Variants in STAG1 observed in about 807,000 individuals in gnomAD.
STAG1 encodes the protein STAG1 cohesin complex component.
STAG1 carries 26 observed loss-of-function variants against 170.9 expected under a neutral mutation model. The observed-to-expected ratio is 0.15, with a 90% CI of 0.11 to 0.21. STAG1 has a LOEUF of 0.21. Among genes scored for constraint, STAG1 ranks in the 10% least tolerant of loss-of-function variants. The pLI is 1.00. For synonymous variants in STAG1, 514 were observed against 497.7 expected, an observed-to-expected ratio of 1.03 and a Z score of -0.44; for missense variants, 964 against 1,509.5, an observed-to-expected ratio of 0.64 and a Z score of 5.99.
At chr3:136,467,742 T>G (rs1448421145) in intron 12 of STAG1, among the ~76,000 whole-genome samples, 3 of 152,130 alleles carry the variant, frequency 2.0e-5, no homozygotes, top group Non-Finnish European at 2.9e-5. Context: ...ATTCCAAAAT[T>G]GACCACATAG....
In STAG1 at chr3:136,673,828, C is replaced by T. The variant is rs550399070; in HGVS notation, c.-83-42847G>A. Reference sequence around the variant, plus strand: ...AGAAAATATAAAAATACAGGCCAGGCGCAGTAGCTCACACCTGTAATCCCA... The same window carrying T: ...AGAAAATATAAAAATACAGGCCAGGTGCAGTAGCTCACACCTGTAATCCCA... On this transcript the variant is annotated intron_variant, in intron 1 of 33. Transcript: ENST00000383202. Among the ~76,000 whole-genome samples the T allele has an allele frequency of 2.6e-4, 39 of 151,970 alleles. No homozygotes were observed. The South Asian group carries it at 5.0e-3, about 19-fold the overall frequency.
intron 4 of STAG1, among the ~76,000 whole-genome samples, chr3:136,597,417 C>T (rs1201340798): frequency 6.6e-6 from 1 of 152,178 alleles, no homozygotes; most frequent in East Asian, 1.9e-4. Context: ...GTACACAGAT[C>T]TGTACTCCCA....
chr3:136,522,748 T>G (rs1340941219), intron 6 of STAG1, among the ~76,000 whole-genome samples: 1 of 116,052 alleles, frequency 8.6e-6, no homozygotes, highest in Non-Finnish European at 1.7e-5. Context: ...GGTCCCAGCG[T>G]GTGACGTTCC....
At chr3:136,350,834 G>T (rs72987439) in intron 28 of STAG1, among the ~76,000 whole-genome samples, 1,751 of 152,246 alleles carry the variant, frequency 0.012, 21 homozygotes, top group African/African-American at 0.04. Context: ...GATCCTGATG[G>T]AGTGAAAATG....
chr3:136,544,370 G>A (rs1238807000), intron 5 of STAG1, among the ~76,000 whole-genome samples: 1 of 151,960 alleles, frequency 6.6e-6, no homozygotes, highest in East Asian at 1.9e-4. Context: ...CCTCCAACTA[G>A]GTACACAAGT....
intron 15 of STAG1, among the ~76,000 whole-genome samples, chr3:136,436,568 C>T (rs897037054): frequency 5.9e-5 from 9 of 151,756 alleles, no homozygotes; most frequent in Admixed American, 4.6e-4. Context: ...GGTGTGAGCC[C>T]CTGTGCCCAG....
intron 5 of STAG1, among the ~76,000 whole-genome samples, chr3:136,564,811 A>G (rs1156950514): frequency 1.3e-5 from 2 of 151,968 alleles, no homozygotes; most frequent in African/African-American, 2.4e-5. Context: ...AAACCAACCC[A>G]TACACAAAAA....
chr3:136,693,399 A>T (rs1942786225), intron 1 of STAG1, among the ~76,000 whole-genome samples: 1 of 152,184 alleles, frequency 6.6e-6, no homozygotes. Flanking sequence ...AAAAGAAAGG[A>T]CTGGGAAAAA....
At chr3:136,716,414 G>C (rs1943543548) in intron 1 of STAG1, among the ~76,000 whole-genome samples, 1 of 152,134 alleles carries the variant, frequency 6.6e-6, no homozygotes, top group South Asian at 2.1e-4. Flanking sequence ...AGTGAGCCGA[G>C]ATCACGCCAC....
At chr3:136,748,544 T>A (rs1003976335) in intron 1 of STAG1, among the ~76,000 whole-genome samples, 4 of 151,948 alleles carry the variant, frequency 2.6e-5, no homozygotes, top group Non-Finnish European at 5.9e-5. Context: ...TACAGGCAAG[T>A]GCTACCACGC....
At chr3:136,647,919 T>A (rs1414345554) in intron 1 of STAG1, among the ~76,000 whole-genome samples, 1 of 152,250 alleles carries the variant, frequency 6.6e-6, no homozygotes, top group Non-Finnish European at 1.5e-5. Flanking sequence ...TACAAAGTAT[T>A]GTATGATATT....
At chr3:136,727,736 GAC>G (rs1475122050) in intron 1 of STAG1, among the ~76,000 whole-genome samples, 1 of 152,086 alleles carries the variant, frequency 6.6e-6, no homozygotes, top group Non-Finnish European at 1.5e-5. Context: ...ATCACAAAAT[GAC>G]CTGAGAATTA....
intron 1 of STAG1, among the ~76,000 whole-genome samples, chr3:136,672,688 C>T (rs1025001662): frequency 2.0e-5 from 3 of 152,144 alleles, no homozygotes; most frequent in African/African-American, 4.8e-5. Context: ...GTTTTAACCA[C>T]TCCACTCCAC....
chr3:136,386,392 T>C (rs2086874404), intron 22 of STAG1, among the ~76,000 whole-genome samples: 1 of 152,016 alleles, frequency 6.6e-6, no homozygotes, highest in Non-Finnish European at 1.5e-5. Context: ...ATATCAACAA[T>C]GAAGAACCCC....
At chr3:136,601,274 A>G (rs1938663909) in intron 4 of STAG1, among the ~76,000 whole-genome samples, 1 of 152,258 alleles carries the variant, frequency 6.6e-6, no homozygotes, top group Admixed American at 6.5e-5. Context: ...TAAAAATCAG[A>G]AGGTAAATTC....
Position 136,393,439 on chromosome 3 carries a change from G to A in STAG1, c.2277+5310C>T, listed in dbSNP as rs187959451. Among the ~76,000 whole-genome samples, 1,069 of 152,148 alleles carry A rather than the reference G, an allele frequency of 7.0e-3. 13 individuals carry two copies. Among genetic ancestry groups the A allele is most frequent in the African/African-American group, 0.024 (986 of 41,520 alleles). Reference sequence around the variant, plus strand: ...GGAGAATCCTTTGAACCTGGGAGACGGAGCTTGCAGTGAGCTGAGATCATG... The same window carrying A: ...GGAGAATCCTTTGAACCTGGGAGACAGAGCTTGCAGTGAGCTGAGATCATG... On this transcript the variant is annotated intron_variant, in intron 22 of 33. Coordinates refer to ENST00000383202, the MANE Select transcript of STAG1 (RefSeq NM_005862.3).
chr3:136,661,403 G>A (rs887408472), intron 1 of STAG1, among the ~76,000 whole-genome samples: 3 of 152,124 alleles, frequency 2.0e-5, no homozygotes, highest in African/African-American at 7.2e-5. Context: ...TGTCATAAGC[G>A]GAAATGTCTA....
At chr3:136,610,917 T>C (rs887765598) in intron 3 of STAG1, among the ~76,000 whole-genome samples, 2 of 152,194 alleles carry the variant, frequency 1.3e-5, no homozygotes, top group Admixed American at 1.3e-4. Context: ...CACTAGTTTT[T>C]CATTTTTTAA....
At chr3:136,593,902 T>C (rs536100221) in intron 4 of STAG1, among the ~76,000 whole-genome samples, 94 of 152,332 alleles carry the variant, frequency 6.2e-4, no homozygotes, top group African/African-American at 2.2e-3. Flanking sequence ...TTTCAATGTG[T>C]TCTCCCCATC....
Sources: gnomAD v4.1 joint callset for allele counts (sites outside exome capture counted in the v4.1 genomes callset) on GRCh38, gnomAD v4.1.1 for gene constraint, MANE v1.5 for transcripts, NCBI Gene and HGNC (gene_info 2026-07-23, HGNC 2026-07-21) for gene names.